The following TENM3 variants were observed in gnomAD, a reference collection of about 807,000 sequenced individuals.
The protein encoded by TENM3 is teneurin transmembrane protein 3, also known as teneurin-3.
A neutral mutation model predicts 255.1 loss-of-function variants in TENM3; 63 were observed. The observed-to-expected ratio is 0.25, with a 90% confidence interval of 0.20 to 0.30. The LOEUF (loss-of-function observed/expected upper bound fraction) is 0.30. TENM3 is among the 10% of genes least tolerant of loss of function. The pLI, the probability that TENM3 is intolerant of heterozygous loss-of-function variation, is 1.00. For synonymous variants in TENM3, 1,306 were observed against 1,322.3 expected, an observed-to-expected ratio of 0.99 and a Z score of 0.27; for missense variants, 2,929 against 3,461.1, an observed-to-expected ratio of 0.85 and a Z score of 3.86.
the TENM3 span, among the ~76,000 whole-genome samples, chr4:181,484,035 T>A: frequency 2.6e-5 from 4 of 152,118 alleles, no homozygotes; most frequent in African/African-American, 4.8e-5. Flanking sequence ...TGTCTGCACA[T>A]TTGATTTTTT....
chr4:182,054,155 C>T, the TENM3 span, among the ~76,000 whole-genome samples: 9 of 152,286 alleles, frequency 5.9e-5, no homozygotes, highest in Non-Finnish European at 1.3e-4. Context: ...CAGCCTGAAC[C>T]GTCTTGGTGA....
the TENM3 span, among the ~76,000 whole-genome samples, chr4:181,493,033 T>A: frequency 1.2e-3 from 175 of 150,486 alleles, 2 homozygotes; most frequent in East Asian, 0.028. Flanking sequence ...AAAAAAAAAA[T>A]TTGGAATGAA....
the TENM3 span, among the ~76,000 whole-genome samples, chr4:181,698,275 C>G: frequency 2.6e-5 from 4 of 151,768 alleles, no homozygotes; most frequent in African/African-American, 9.7e-5. Context: ...GACACACAGG[C>G]TCAAAGACAG....
At chr4:182,324,318 C>A in intron 2 of TENM3, 66 bp downstream of exon 2, 1 of 1,203,346 alleles carries the variant, frequency 8.3e-7, no homozygotes, top group Non-Finnish European at 1.2e-6. Context: ...TCGTGATTTT[C>A]CCCTCAAGGT....
chr4:182,169,866 A>C (rs185104907), intron 1 of TENM3, among the ~76,000 whole-genome samples: 1 of 152,120 alleles, frequency 6.6e-6, no homozygotes, highest in Non-Finnish European at 1.5e-5. Context: ...CTGAGGATTC[A>C]ACTTGCTGAC....
intron 1 of TENM3, among the ~76,000 whole-genome samples, chr4:182,321,768 A>G (rs1763068471): frequency 6.6e-6 from 1 of 151,974 alleles, no homozygotes. Context: ...ACATGGTGAA[A>G]CCCCATCTGT....
At chr4:181,782,292 T>A in the TENM3 span, among the ~76,000 whole-genome samples, 5 of 152,186 alleles carry the variant, frequency 3.3e-5, no homozygotes. Flanking sequence ...TTGCCTCCAT[T>A]TCAGAGCCTG....
chr4:182,225,867 T>C (rs2149986710), intron 1 of TENM3, among the ~76,000 whole-genome samples: 1 of 152,164 alleles, frequency 6.6e-6, no homozygotes, highest in Non-Finnish European at 1.5e-5. Flanking sequence ...CAGAATTTGA[T>C]CCAATCTAGC....
the TENM3 span, among the ~76,000 whole-genome samples, chr4:182,059,404 G>A: frequency 6.6e-6 from 1 of 152,034 alleles, no homozygotes; most frequent in South Asian, 2.1e-4. Context: ...CTTTCAAAGT[G>A]CATCACAAAT....
At chr4:182,293,580 A>C (rs1412818844) in intron 1 of TENM3, among the ~76,000 whole-genome samples, 1 of 152,198 alleles carries the variant, frequency 6.6e-6, no homozygotes, top group East Asian at 1.9e-4. Flanking sequence ...AGGAATCCTG[A>C]TACCTTTAAC....
the TENM3 span, among the ~76,000 whole-genome samples, chr4:181,755,666 A>G: frequency 3.3e-5 from 5 of 152,272 alleles, no homozygotes; most frequent in African/African-American, 9.6e-5. Context: ...AAGAGATACT[A>G]TAACATATGT....
the TENM3 span, among the ~76,000 whole-genome samples, chr4:181,481,381 G>T: frequency 3.9e-5 from 6 of 152,014 alleles, no homozygotes; most frequent in Non-Finnish European, 7.4e-5. Context: ...ACTCTTCAAA[G>T]ATTTTATCAT....
At chr4:182,444,408 T>A (rs1026439785) in intron 3 of TENM3, among the ~76,000 whole-genome samples, 1 of 152,170 alleles carries the variant, frequency 6.6e-6, no homozygotes, top group African/African-American at 2.4e-5. Flanking sequence ...TAACAATTTC[T>A]TTGATATGCT....
the TENM3 span, among the ~76,000 whole-genome samples, chr4:182,031,593 T>A: frequency 5.3e-5 from 8 of 152,216 alleles, no homozygotes; most frequent in Admixed American, 6.5e-5. Flanking sequence ...GTGAAGAATA[T>A]CAATGGTAGT....
chr4:182,410,032 G>T (rs1769875030), intron 3 of TENM3, among the ~76,000 whole-genome samples: 1 of 152,044 alleles, frequency 6.6e-6, no homozygotes, highest in South Asian at 2.1e-4. Flanking sequence ...TCACCGTGTT[G>T]CTCAGGCTGG....
the TENM3 span, among the ~76,000 whole-genome samples, chr4:181,808,787 T>G: frequency 6.6e-6 from 1 of 152,152 alleles, no homozygotes; most frequent in Non-Finnish European, 1.5e-5. Flanking sequence ...AAAATGGAAT[T>G]CTATTACGAT....
chr4:181,838,407 G>C, the TENM3 span, among the ~76,000 whole-genome samples: 2 of 152,142 alleles, frequency 1.3e-5, no homozygotes, highest in African/African-American at 4.8e-5. Flanking sequence ...CTTTTTTGTC[G>C]AGTTTGGGCA....
the TENM3 span, among the ~76,000 whole-genome samples, chr4:182,049,612 A>C: frequency 6.6e-6 from 1 of 152,344 alleles, no homozygotes; most frequent in South Asian, 2.1e-4. Flanking sequence ...CTCTTGATGG[A>C]TTTTTAAAAT....
At chr4:181,570,546 AAAAG>A in the TENM3 span, among the ~76,000 whole-genome samples, 24 of 151,564 alleles carry the variant, frequency 1.6e-4, no homozygotes, top group African/African-American at 5.6e-4. Context: ...AGAAAGAAAG[AAAAG>A]AGAGAGAGAA....
Sources: allele counts gnomAD v4.1 joint callset (sites outside exome capture counted in the v4.1 genomes callset), GRCh38; gene constraint gnomAD v4.1.1; transcripts MANE v1.5; gene names NCBI Gene and HGNC (gene_info 2026-07-23, HGNC 2026-07-21).